The following CAMK2D variants were observed in gnomAD, a reference collection of about 807,000 sequenced individuals.
The protein encoded by CAMK2D is calcium/calmodulin-dependent protein kinase type II subunit delta.
CAMK2D carries 37 observed loss-of-function variants against 84.0 expected under a neutral mutation model. That is an observed-to-expected ratio of 0.44 (90% CI 0.34 to 0.58). CAMK2D has a LOEUF of 0.58. Among genes scored for constraint, CAMK2D ranks in the 20% least tolerant of loss-of-function variants. The probability of loss-of-function intolerance (pLI) is 0.02; values close to 1 mark genes in which losing one functional copy is unlikely to be tolerated. For missense variants in CAMK2D, 448 were observed against 652.5 expected (o/e 0.69, Z 3.41); for synonymous variants, 202 against 212.5 (o/e 0.95, Z 0.43).
At chr4:113,575,793 G>A (rs865837217) in intron 4 of CAMK2D, among the ~76,000 whole-genome samples, 3 of 152,090 alleles carry the variant, frequency 2.0e-5, no homozygotes, top group East Asian at 1.9e-4. Flanking sequence ...GCATGAAAGC[G>A]ATGTGTTCTG....
chr4:113,671,460 T>C (rs1262379831), intron 2 of CAMK2D, among the ~76,000 whole-genome samples: 1 of 152,220 alleles, frequency 6.6e-6, no homozygotes, highest in Non-Finnish European at 1.5e-5. Flanking sequence ...TTCATAAAAG[T>C]TGCAAAACAT....
At chr4:113,732,816 G>C (rs1053041888) in intron 2 of CAMK2D, among the ~76,000 whole-genome samples, 1 of 152,004 alleles carries the variant, frequency 6.6e-6, no homozygotes, top group East Asian at 1.9e-4. Context: ...AGAGTTAATA[G>C]CTATCTCATC....
chr4:113,624,513 TTATATA>T (rs1486700526), intron 3 of CAMK2D, among the ~76,000 whole-genome samples: 1 of 152,180 alleles, frequency 6.6e-6, no homozygotes, highest in East Asian at 1.9e-4. Context: ...TGCTCTGACT[TTATATA>T]TATTAAGTAA....
chr4:113,540,471 A>G (rs1300508665), intron 6 of CAMK2D, among the ~76,000 whole-genome samples: 2 of 152,188 alleles, frequency 1.3e-5, no homozygotes, highest in Admixed American at 1.3e-4. Flanking sequence ...ATTGTAAGAG[A>G]AACAGGCAGG....
intron 4 of CAMK2D, among the ~76,000 whole-genome samples, chr4:113,589,462 C>A (rs753140898): frequency 1.2e-4 from 19 of 152,174 alleles, no homozygotes; most frequent in Non-Finnish European, 2.1e-4. Context: ...GGCAGTATGG[C>A]TGGAGCGGAG....
At chr4:113,756,252 C>G (rs2099628370) in intron 2 of CAMK2D, among the ~76,000 whole-genome samples, 1 of 152,014 alleles carries the variant, frequency 6.6e-6, no homozygotes, top group African/African-American at 2.4e-5. Flanking sequence ...GTAGCCAAAT[C>G]TTTGGCAATT....
At chr4:113,489,390 T>C (rs574278244) in intron 16 of CAMK2D, among the ~76,000 whole-genome samples, 1 of 98,382 alleles carries the variant, frequency 1.0e-5, no homozygotes, top group South Asian at 2.7e-4. Flanking sequence ...ATATGCGGTG[T>C]TTGGTTTTTT....
intron 2 of CAMK2D, among the ~76,000 whole-genome samples, chr4:113,669,483 A>G (rs2154322288): frequency 6.6e-6 from 1 of 152,246 alleles, no homozygotes; most frequent in Non-Finnish European, 1.5e-5. Flanking sequence ...TGGAGGAGGT[A>G]TAGTATTGAA....
At chr4:113,623,256 C>G (rs534486444) in intron 3 of CAMK2D, among the ~76,000 whole-genome samples, 1 of 151,938 alleles carries the variant, frequency 6.6e-6, no homozygotes, top group African/African-American at 2.4e-5. Flanking sequence ...TGGCATCTTG[C>G]TAGTTCTCTC....
At chr4:113,671,329 T>C (rs1438852341) in intron 2 of CAMK2D, among the ~76,000 whole-genome samples, 4 of 152,194 alleles carry the variant, frequency 2.6e-5, no homozygotes, top group African/African-American at 7.2e-5. Context: ...CTGTTATTCA[T>C]TTTTCTGTGA....
chr4:113,758,208 T>A, intron 2 of CAMK2D, among the ~76,000 whole-genome samples: 1 of 152,196 alleles, frequency 6.6e-6, no homozygotes, highest in Non-Finnish European at 1.5e-5. Flanking sequence ...GATTCTATGG[T>A]GCTGGTTACT....
chr4:113,609,055 GCAGT>G, intron 4 of CAMK2D, 93 bp downstream of exon 4: 1 of 643,424 alleles, frequency 1.6e-6, no homozygotes. Flanking sequence ...AAATATTGTA[GCAGT>G]CAGTAATTTG....
chr4:113,497,265 T>G (rs985767849), intron 16 of CAMK2D, among the ~76,000 whole-genome samples: 10 of 152,172 alleles, frequency 6.6e-5, no homozygotes, highest in African/African-American at 2.2e-4. Flanking sequence ...CTCTGGTGCA[T>G]TCAAATCTCT....
chr4:113,641,868 G>A (rs988687055), intron 3 of CAMK2D, among the ~76,000 whole-genome samples: 5 of 151,982 alleles, frequency 3.3e-5, no homozygotes, highest in African/African-American at 1.2e-4. Flanking sequence ...AATTAGCCAG[G>A]CATGGTGGCA....
chr4:113,624,690 A>G (rs779132545), intron 3 of CAMK2D, among the ~76,000 whole-genome samples: 17 of 152,196 alleles, frequency 1.1e-4, no homozygotes, highest in African/African-American at 1.9e-4. Flanking sequence ...TCTGGCATAC[A>G]TAAGAAACTG....
chr4:113,544,830 T>C (rs1347384700), intron 6 of CAMK2D, among the ~76,000 whole-genome samples: 1 of 152,134 alleles, frequency 6.6e-6, no homozygotes, highest in Non-Finnish European at 1.5e-5. Flanking sequence ...CTGTGGTCCA[T>C]GTATCCACTA....
At chr4:113,730,932 G>A (rs1023533839) in intron 2 of CAMK2D, among the ~76,000 whole-genome samples, 2 of 152,130 alleles carry the variant, frequency 1.3e-5, no homozygotes, top group African/African-American at 4.8e-5. Context: ...ACTTACCACT[G>A]AACTAGTAGA....
At chr4:113,576,594 T>C (rs1430734499) in intron 4 of CAMK2D, among the ~76,000 whole-genome samples, 1 of 152,124 alleles carries the variant, frequency 6.6e-6, no homozygotes, top group East Asian at 1.9e-4. Flanking sequence ...CAAACTCGTA[T>C]GATTATTAAT....
At chr4:113,491,432 T>C (rs895957828) in intron 16 of CAMK2D, among the ~76,000 whole-genome samples, 19 of 150,584 alleles carry the variant, frequency 1.3e-4, no homozygotes, top group Admixed American at 1.3e-3. Context: ...TCTGTGTATA[T>C]GCTGGATTAC....
Sources: gnomAD v4.1 joint callset for allele counts (sites outside exome capture counted in the v4.1 genomes callset) on GRCh38, gnomAD v4.1.1 for gene constraint, MANE v1.5 for transcripts, NCBI Gene and HGNC (gene_info 2026-07-23, HGNC 2026-07-21) for gene names.